Variants in SLC35F4 observed in about 807,000 individuals in gnomAD.
SLC35F4 encodes solute carrier family 35 member F4, also known as chromosome 14 open reading frame 36.
SLC35F4 carries 24 observed loss-of-function variants against 44.2 expected under a neutral mutation model. The ratio of observed to expected loss-of-function variants is 0.54; its 90% CI spans 0.39 to 0.76. SLC35F4 has a LOEUF of 0.76. SLC35F4 is among the 30% of genes least tolerant of loss of function. The pLI, the probability that SLC35F4 is intolerant of heterozygous loss-of-function variation, is 0.00. For missense variants in SLC35F4, 562 were observed against 586.1 expected, an observed-to-expected ratio of 0.96 and a Z score of 0.42; for synonymous variants, 238 against 223.6, an observed-to-expected ratio of 1.06 and a Z score of -0.57.
At chr14:57,777,869 T>G (rs191896692) in intron 1 of SLC35F4, among the ~76,000 whole-genome samples, 2 of 152,072 alleles carry the variant, frequency 1.3e-5, no homozygotes, top group Non-Finnish European at 2.9e-5. Flanking sequence ...CCATCTCACA[T>G]GGAATGACAC....
intron 1 of SLC35F4, among the ~76,000 whole-genome samples, chr14:57,733,346 G>T: frequency 7.6e-6 from 1 of 131,924 alleles, no homozygotes. Context: ...GCTACAAGGA[G>T]AGTCAATTTT....
chr14:57,581,755 A>G (rs1257995752), intron 3 of SLC35F4, among the ~76,000 whole-genome samples: 1 of 152,216 alleles, frequency 6.6e-6, no homozygotes, highest in Non-Finnish European at 1.5e-5. Flanking sequence ...AGTTGCTGAA[A>G]TCACTAGCTA....
chr14:57,966,019 G>A (rs1413784517), intron 1 of SLC35F4, among the ~76,000 whole-genome samples: 1 of 152,192 alleles, frequency 6.6e-6, no homozygotes, highest in African/African-American at 2.4e-5. Flanking sequence ...GTTTCTCAAT[G>A]TGTGGCCCAC....
intron 1 of SLC35F4, among the ~76,000 whole-genome samples, chr14:57,705,289 G>A (rs10483692): frequency 0.47 from 71,539 of 151,908 alleles, 17,248 homozygotes; most frequent in Non-Finnish European, 0.53. Flanking sequence ...CCAGAAGGTA[G>A]AATATATGGT....
At chr14:57,947,563 G>A (rs1890059391) in intron 1 of SLC35F4, among the ~76,000 whole-genome samples, 1 of 152,034 alleles carries the variant, frequency 6.6e-6, no homozygotes, top group South Asian at 2.1e-4. Flanking sequence ...CTAGTACTAT[G>A]TTACACTGAA....
chr14:57,593,936 T>A lies in SLC35F4; in HGVS notation c.289+3A>T, dbSNP rs757963393. On this transcript the variant is annotated splice_donor_region_variant and intron_variant, in intron 2 of 7. Coordinates refer to ENST00000556826, the MANE Select transcript of SLC35F4 (RefSeq NM_001306087.2). ...GTTATTTAAGAGGAGGTCACCCACA[T>A]ACCTGATCTGTTCTGTCTCTCAACT... The A allele has an allele frequency of 6.2e-7, 1 of 1,613,650 alleles. No homozygotes were observed. The highest frequency in any genetic ancestry group is 8.5e-7 in the Non-Finnish European group (1 of 1,179,804).
intron 1 of SLC35F4, among the ~76,000 whole-genome samples, chr14:57,623,978 C>T (rs2072338101): frequency 6.6e-6 from 1 of 151,986 alleles, no homozygotes; most frequent in Admixed American, 6.6e-5. Flanking sequence ...GATAGAGACA[C>T]AAAAATCCCT....
chr14:57,659,942 A>C (rs1400142853), intron 1 of SLC35F4, among the ~76,000 whole-genome samples: 1 of 152,196 alleles, frequency 6.6e-6, no homozygotes, highest in Non-Finnish European at 1.5e-5. Flanking sequence ...GTTATGAGCT[A>C]GTTAGTTGGA....
chr14:57,594,257 TC>T, intron 1 of SLC35F4, 133 bp from the exon 2 acceptor site: 1 of 866,554 alleles, frequency 1.2e-6, no homozygotes. Flanking sequence ...TGGTGTGATC[TC>T]GAGTCACTGC....
intron 1 of SLC35F4, among the ~76,000 whole-genome samples, chr14:57,648,969 T>C (rs1368130088): frequency 1.3e-5 from 2 of 151,956 alleles, no homozygotes. Context: ...TGGCCTCATC[T>C]CTGTCCTTCC....
intron 1 of SLC35F4, among the ~76,000 whole-genome samples, chr14:57,824,160 C>T (rs1015970278): frequency 6.6e-6 from 1 of 152,062 alleles, no homozygotes; most frequent in Admixed American, 6.6e-5. Context: ...AAACATGACA[C>T]CGAGAATCCA....
chr14:57,572,806 T>G (rs2068582225), intron 4 of SLC35F4, among the ~76,000 whole-genome samples: 1 of 152,256 alleles, frequency 6.6e-6, no homozygotes, highest in Non-Finnish European at 1.5e-5. Context: ...TCTACTCCCT[T>G]AGTGAATTGC....
At chr14:57,925,413 A>G (rs1889537999) in intron 1 of SLC35F4, among the ~76,000 whole-genome samples, 1 of 151,092 alleles carries the variant, frequency 6.6e-6, no homozygotes, top group Non-Finnish European at 1.5e-5. Context: ...ACATTTTGGG[A>G]GACTGGTTGA....
intron 1 of SLC35F4, among the ~76,000 whole-genome samples, chr14:57,741,319 G>T (rs944295357): frequency 6.6e-6 from 1 of 152,140 alleles, no homozygotes; most frequent in Non-Finnish European, 1.5e-5. Flanking sequence ...TGAACCCATT[G>T]CAAAATAAGC....
At chr14:57,635,339 G>A (rs74628834) in intron 1 of SLC35F4, among the ~76,000 whole-genome samples, 21,922 of 151,824 alleles carry the variant, frequency 0.14, 1,864 homozygotes, top group East Asian at 0.22. Context: ...AACTGCGAGA[G>A]AGAGGAGTAC....
At chr14:57,639,054 T>C (rs1486278199) in intron 1 of SLC35F4, among the ~76,000 whole-genome samples, 2 of 152,174 alleles carry the variant, frequency 1.3e-5, no homozygotes, top group Non-Finnish European at 2.9e-5. Flanking sequence ...AGGAGTCTGT[T>C]ACCTGTAAGT....
chr14:57,784,342 G>C (rs892452475), intron 1 of SLC35F4, among the ~76,000 whole-genome samples: 2 of 152,204 alleles, frequency 1.3e-5, no homozygotes, highest in African/African-American at 4.8e-5. Flanking sequence ...GTGTGGTACA[G>C]GCACTGAAAC....
At chr14:57,677,454 T>C (rs566814255) in intron 1 of SLC35F4, among the ~76,000 whole-genome samples, 23 of 152,126 alleles carry the variant, frequency 1.5e-4, no homozygotes, top group Middle Eastern at 6.8e-3. Flanking sequence ...TGGGTAGCTA[T>C]GCATAAAGCA....
At chr14:57,941,407 C>G (rs1889914456) in intron 1 of SLC35F4, among the ~76,000 whole-genome samples, 1 of 152,018 alleles carries the variant, frequency 6.6e-6, no homozygotes, top group East Asian at 1.9e-4. Context: ...ACCTTGAAAA[C>G]ATTGTCCTAA....
Sources: gnomAD v4.1 joint callset for allele counts (sites outside exome capture counted in the v4.1 genomes callset) on GRCh38, gnomAD v4.1.1 for gene constraint, MANE v1.5 for transcripts, NCBI Gene and HGNC (gene_info 2026-07-23, HGNC 2026-07-21) for gene names.